The following MAP2K6 variants were observed in gnomAD, a reference collection of about 807,000 sequenced individuals.
MAP2K6 encodes the protein mitogen-activated protein kinase kinase 6.
MAP2K6 carries 16 observed loss-of-function variants against 53.7 expected under a neutral mutation model. The observed-to-expected ratio is 0.30, with a 90% CI of 0.20 to 0.45. The LOEUF (loss-of-function observed/expected upper bound fraction) is 0.45. Among genes scored for constraint, MAP2K6 ranks in the 20% least tolerant of loss-of-function variants. MAP2K6 has a pLI of 1.00. For missense variants in MAP2K6, 204 were observed against 411.9 expected (o/e 0.50, Z 4.37); for synonymous variants, 132 against 143.1 (o/e 0.92, Z 0.55).
chr17:69,430,259 C>T (rs1432553071), intron 1 of MAP2K6, among the ~76,000 whole-genome samples: 1 of 152,092 alleles, frequency 6.6e-6, no homozygotes. Flanking sequence ...TCGCTTGAAC[C>T]TGGGAGGTGG....
chr17:69,533,907 G>A (rs1185672786), intron 10 of MAP2K6, among the ~76,000 whole-genome samples: 3 of 152,128 alleles, frequency 2.0e-5, no homozygotes, highest in Non-Finnish European at 4.4e-5. Context: ...TGTGCTTAAA[G>A]ACAAAGACAA....
intron 1 of MAP2K6, among the ~76,000 whole-genome samples, chr17:69,451,131 A>T (rs1241090948): frequency 2.0e-5 from 3 of 152,248 alleles, no homozygotes; most frequent in African/African-American, 4.8e-5. Flanking sequence ...GCTGAAGCGA[A>T]GGCAAACAAT....
At chr17:69,532,113 TGGAGGC>T (rs1911113335) in intron 10 of MAP2K6, among the ~76,000 whole-genome samples, 1 of 152,150 alleles carries the variant, frequency 6.6e-6, no homozygotes, top group Admixed American at 6.5e-5. Flanking sequence ...TGAAGGGTAG[TGGAGGC>T]CCACTCAAGC....
intron 1 of MAP2K6, among the ~76,000 whole-genome samples, chr17:69,417,969 G>C (rs1429483439): frequency 6.6e-6 from 1 of 152,148 alleles, no homozygotes; most frequent in African/African-American, 2.4e-5. Context: ...ATGCCTATGA[G>C]GCACAATTCA....
rs536895788 is a variant in MAP2K6, at chr17:69,543,052, C to T, written c.*1299C>T. ...GATGAGCTTCATTGGGAGTTCCTAG[C>T]AAGTTGACTAAACAGCAAAAGTTCT... is the stretch of plus-strand genomic sequence containing the variant. On this transcript the variant is annotated 3_prime_UTR_variant, in exon 12 of 12. Coordinates refer to ENST00000590474, the MANE Select transcript of MAP2K6 (RefSeq NM_002758.4). 6.6e-6 allele frequency: 1 copy of T among 152,260 alleles called. No homozygotes were observed. The highest frequency in any genetic ancestry group is 2.4e-5 in the African/African-American group (1 of 41,546). 9.4% of individuals were successfully genotyped at this position (152,260 alleles called of 1,614,324 possible). A position where few individuals can be genotyped will look rare whatever the true frequency, so the allele number is the denominator to read the frequency against.
chr17:69,443,646 A>G (rs148778098), intron 1 of MAP2K6, among the ~76,000 whole-genome samples: 6 of 152,254 alleles, frequency 3.9e-5, no homozygotes, highest in African/African-American at 1.4e-4. Context: ...TTGCCCTAGT[A>G]AGACTTTCAC....
Position 69,414,831 on chromosome 17 carries a change from C to T in MAP2K6, c.-154C>T. Reference sequence around the variant, plus strand: ...CAAGGTGTGCATTTCCATCTTGATTCCCTGAAAGTCCATCTGCTGCATCGG... The same window carrying T: ...CAAGGTGTGCATTTCCATCTTGATTTCCTGAAAGTCCATCTGCTGCATCGG... On this transcript the variant is annotated 5_prime_UTR_variant, in exon 1 of 12. Transcript: ENST00000590474. The T allele has an allele frequency of 1.5e-6, 1 of 665,740 alleles. No individual in the cohort carries two copies. The allele number at this position is 665,740 out of a possible 1,614,324, so 41.2% of individuals were successfully genotyped here.
chr17:69,415,449 A>G (rs2145120632), intron 1 of MAP2K6, among the ~76,000 whole-genome samples: 1 of 152,364 alleles, frequency 6.6e-6, no homozygotes, highest in South Asian at 2.1e-4. Context: ...GTAATCTTAT[A>G]TTCTTTGGGG....
chr17:69,505,725 C>T (rs2145223546), intron 1 of MAP2K6, 55 bp from the exon 2 acceptor site: 1 of 1,413,230 alleles, frequency 7.1e-7, no homozygotes, highest in East Asian at 2.3e-5. Flanking sequence ...GTCTCTTTCT[C>T]TGCTATCTTG....
chr17:69,547,087 C>CT lies in MAP2K6; in HGVS notation c.*5337dup, dbSNP rs1282023359. ...GATGCTCTTTGGGTTTTTTTTTTGG[C>CT]TTTAATTTGGGTACTATGGATTCTT... On this transcript the variant is annotated 3_prime_UTR_variant, in exon 12 of 12. Coordinates refer to ENST00000590474, the MANE Select transcript of MAP2K6 (RefSeq NM_002758.4). The CT allele has an allele frequency of 6.6e-6, 1 of 150,708 alleles. No individual in the cohort carries two copies. The highest frequency in any genetic ancestry group is 1.5e-5 in the Non-Finnish European group (1 of 67,662). 9.3% of individuals were successfully genotyped at this position (150,708 alleles called of 1,614,324 possible).
At chr17:69,512,730 T>TCATAC (rs1038230538) in intron 2 of MAP2K6, among the ~76,000 whole-genome samples, 62 of 152,304 alleles carry the variant, frequency 4.1e-4, no homozygotes, top group African/African-American at 1.5e-3. Context: ...CATACCCTAT[T>TCATAC]CTATTTCAAT....
At chr17:69,474,126 G>A (rs1175969075) in intron 1 of MAP2K6, among the ~76,000 whole-genome samples, 2 of 152,232 alleles carry the variant, frequency 1.3e-5, no homozygotes, top group African/African-American at 2.4e-5. Context: ...AGCTGGCTCC[G>A]TATGGGCAAG....
rs1911722686 is a variant in MAP2K6, at chr17:69,543,121, C to G, written c.*1368C>G. ...CCCACAGGTTCTATGATTTGTAGCT[C>G]TAGGTTTCTTGATGATCAAGGAGTG... On this transcript the variant is annotated 3_prime_UTR_variant, in exon 12 of 12. Transcript: ENST00000590474. The G allele has an allele frequency of 1.3e-5, 2 of 152,114 alleles. No individual in the cohort carries two copies. The highest frequency in any genetic ancestry group is 1.3e-4 in the Admixed American group (2 of 15,286). 9.4% of individuals were successfully genotyped at this position (152,114 alleles called of 1,614,324 possible).
At chr17:69,520,139 A>T in intron 5 of MAP2K6, 131 bp from the exon 6 acceptor site, 1 of 602,354 alleles carries the variant, frequency 1.7e-6, no homozygotes. Context: ...GACAGAAGAC[A>T]CTGTATTTCC....
intron 2 of MAP2K6, among the ~76,000 whole-genome samples, chr17:69,511,823 C>CA (rs1202894322): frequency 1.3e-5 from 2 of 152,050 alleles, no homozygotes; most frequent in Non-Finnish European, 2.9e-5. Context: ...TCTAAAAATA[C>CA]AAAAAATTAG....
chr17:69,520,675 A>C, intron 6 of MAP2K6: 1 of 379,304 alleles, frequency 2.6e-6, no homozygotes, highest in Non-Finnish European at 4.7e-6. Context: ...GTTTATTTTG[A>C]TTTTCATTTA....
chr17:69,523,724 G>T (rs1910613013), intron 8 of MAP2K6, 83 bp downstream of exon 8: 2 of 1,557,780 alleles, frequency 1.3e-6, no homozygotes, highest in Non-Finnish European at 1.8e-6. Flanking sequence ...TGGCCACAGA[G>T]GGAAAATGGA....
At chr17:69,437,259 A>G (rs912476988) in intron 1 of MAP2K6, among the ~76,000 whole-genome samples, 7 of 152,256 alleles carry the variant, frequency 4.6e-5, no homozygotes, top group Non-Finnish European at 2.9e-5. Context: ...TGTTATTACA[A>G]TAACCTAAGC....
At chr17:69,447,655 A>G (rs1456579544) in intron 1 of MAP2K6, among the ~76,000 whole-genome samples, 2 of 152,148 alleles carry the variant, frequency 1.3e-5, no homozygotes, top group African/African-American at 4.8e-5. Flanking sequence ...TAGGAATTGG[A>G]ATTTGATGAT....
Sources: allele counts gnomAD v4.1 joint callset (sites outside exome capture counted in the v4.1 genomes callset), GRCh38; gene constraint gnomAD v4.1.1; transcripts MANE v1.5; gene names NCBI Gene and HGNC (gene_info 2026-07-23, HGNC 2026-07-21).